Variants in PCDHA3 observed in about 807,000 individuals in gnomAD.
PCDHA3 encodes the protein protocadherin alpha-3.
Under a neutral mutation model 62.2 loss-of-function variants are expected in PCDHA3, and 41 were observed. That is an observed-to-expected ratio of 0.66 (90% CI 0.51 to 0.86). PCDHA3 has a LOEUF of 0.86. PCDHA3 is among the 40% of genes least tolerant of loss of function. PCDHA3 has a pLI of 0.00. For synonymous variants in PCDHA3, 640 were observed against 555.4 expected (o/e 1.15, Z -2.14); for missense variants, 1,304 against 1,241.2 (o/e 1.05, Z -0.76).
chr5:140,834,802 T>C, intron 1 of PCDHA3: 1 of 1,612,920 alleles, frequency 6.2e-7, no homozygotes, highest in Non-Finnish European at 8.5e-7. Context: ...CAAAGGAATC[T>C]GTTCATCGCG....
chr5:140,807,044 C>T, intron 1 of PCDHA3: 2 of 1,002,562 alleles, frequency 2.0e-6, no homozygotes, highest in Non-Finnish European at 2.9e-6. Flanking sequence ...GGGAAAATTC[C>T]TTCTATTCTT....
chr5:140,827,596 T>C (rs2150148363), intron 1 of PCDHA3, among the ~76,000 whole-genome samples: 13 of 152,200 alleles, frequency 8.5e-5, no homozygotes, highest in Non-Finnish European at 1.6e-4. Context: ...GAAAGACAGA[T>C]GTGGGCAAGT....
chr5:140,994,052 C>T (rs2097593082), intron 3 of PCDHA3, among the ~76,000 whole-genome samples: 1 of 152,134 alleles, frequency 6.6e-6, no homozygotes, highest in African/African-American at 2.4e-5. Context: ...CAGTCCTGCC[C>T]TTATAAATCT....
Position 140,927,948 on chromosome 5 carries a change from C to T in PCDHA3, c.2395-51001C>T, listed in dbSNP as rs1012110026. The T allele has an allele frequency of 4.3e-6, 7 of 1,614,072 alleles. No homozygotes were observed. In the African/African-American group the frequency reaches 5.3e-5, roughly 12 times the overall value. On this transcript the variant is annotated intron_variant, in intron 1 of 3. Transcript: ENST00000522353. The stretch of plus-strand genomic sequence containing the variant: ...CTCTTTCGAACCCAGTACCTGAGGA[C>T]GCTGCCCCTGGCACAGTGATTGCTC...
intron 1 of PCDHA3, chr5:140,804,381 G>A (rs1763384494): frequency 6.6e-6 from 1 of 151,794 alleles, no homozygotes; most frequent in Non-Finnish European, 1.5e-5. Context: ...ATATCAATAT[G>A]AAGTGAAAAT....
At chr5:140,919,518 T>C (rs1027780107) in intron 1 of PCDHA3, among the ~76,000 whole-genome samples, 1 of 152,194 alleles carries the variant, frequency 6.6e-6, no homozygotes. Context: ...TATGTTTTAA[T>C]TCTCTTTTTT....
chr5:140,818,604 T>G (rs2150101682), intron 1 of PCDHA3, among the ~76,000 whole-genome samples: 1 of 152,274 alleles, frequency 6.6e-6, no homozygotes, highest in African/African-American at 2.4e-5. Context: ...GTGTGGGCCA[T>G]GACAGGAGGA....
chr5:140,827,448 A>G (rs1554130791), intron 1 of PCDHA3, among the ~76,000 whole-genome samples: 1 of 152,248 alleles, frequency 6.6e-6, no homozygotes, highest in African/African-American at 2.4e-5. Flanking sequence ...ACACAGAAGA[A>G]CCTTAAGAGC....
chr5:140,958,677 G>C (rs917513084), intron 1 of PCDHA3, among the ~76,000 whole-genome samples: 3 of 152,090 alleles, frequency 2.0e-5, no homozygotes, highest in Non-Finnish European at 2.9e-5. Context: ...TAATTATAAA[G>C]GATATTGAAT....
At chr5:140,829,972 C>T (rs1344342673) in intron 1 of PCDHA3, 1 of 1,613,888 alleles carries the variant, frequency 6.2e-7, no homozygotes, top group African/African-American at 1.3e-5. Context: ...TGGGGCTGTA[C>T]ACGGGCGAGA....
rs147180015 is a variant in PCDHA3, at chr5:140,822,636, T to G, written c.2394+19045T>G. On this transcript the variant is annotated intron_variant, in intron 1 of 3. Transcript: ENST00000522353. ...TCTTTAGTAATCTTGTTCTTGACGATGTAAAGTCCAAATTTATAATTAATT... is the reference window on the plus strand; with the variant it reads ...TCTTTAGTAATCTTGTTCTTGACGAGGTAAAGTCCAAATTTATAATTAATT... 3.1e-6 allele frequency: 5 copies of G among 1,610,778 alleles called. No individual in the cohort carries two copies. Among genetic ancestry groups the G allele is most frequent in the Admixed American group, 1.7e-5 (1 of 59,828 alleles).
intron 1 of PCDHA3, chr5:140,829,132 C>G (rs138194639): frequency 1.2e-6 from 2 of 1,612,864 alleles, no homozygotes; most frequent in African/African-American, 2.7e-5. Context: ...ATGATAACGT[C>G]CCTGAGATAG....
intron 1 of PCDHA3, among the ~76,000 whole-genome samples, chr5:140,892,696 C>T (rs1005435710): frequency 4.6e-5 from 7 of 152,098 alleles, no homozygotes; most frequent in Admixed American, 6.6e-5. Context: ...ATAATAAAAT[C>T]AGGGTAATTA....
chr5:140,884,731 C>T (rs2060333216), intron 1 of PCDHA3: 2 of 1,449,296 alleles, frequency 1.4e-6, no homozygotes, highest in East Asian at 4.9e-5. Flanking sequence ...TTGTTTAAGA[C>T]ATCTTTCCTG....
intron 1 of PCDHA3, chr5:140,841,768 C>G: frequency 6.2e-7 from 1 of 1,613,936 alleles, no homozygotes; most frequent in South Asian, 1.1e-5. Flanking sequence ...GAATGCCAGA[C>G]TCTCGGTTTC....
rs2150437500 is a variant in PCDHA3, at chr5:140,849,439, C to A, written c.2394+45848C>A. ...CATATGGATTTTGAAGAAAGTAGAG[C>A]ACACAAGATCCCAGTCGAGGCTGTC... On this transcript the variant is annotated intron_variant, in intron 1 of 3. Transcript: ENST00000522353. 1.5e-5 allele frequency: 23 copies of A among 1,582,476 alleles called. 2 individuals carry two copies. In the African/African-American group the frequency reaches 2.8e-4, roughly 19 times the overall value.
At chr5:140,878,153 A>G (rs554763085) in intron 1 of PCDHA3, 21 of 178,230 alleles carry the variant, frequency 1.2e-4, no homozygotes, top group Non-Finnish European at 2.3e-4. Context: ...TGATAACTTA[A>G]AAATTTAATT....
Position 140,848,772 on chromosome 5 carries a change from G to A in PCDHA3, c.2394+45181G>A, listed in dbSNP as rs2150420106. ...GTTTGTGAATTCTCGGATCGACCGCGAGGAGCTGTGCGGGCGGAGCGCGGA... is the reference window on the plus strand; with the variant it reads ...GTTTGTGAATTCTCGGATCGACCGCAAGGAGCTGTGCGGGCGGAGCGCGGA... On this transcript the variant is annotated intron_variant, in intron 1 of 3. Coordinates refer to ENST00000522353, the MANE Select transcript of PCDHA3 (RefSeq NM_018906.3). 12 of 1,593,594 alleles carry A rather than the reference G, an allele frequency of 7.5e-6. 2 individuals carry two copies. Among genetic ancestry groups the A allele is most frequent in the Non-Finnish European group, 1.0e-5 (12 of 1,164,190 alleles).
At chr5:140,962,406 T>C (rs1272839882) in intron 1 of PCDHA3, among the ~76,000 whole-genome samples, 1 of 152,218 alleles carries the variant, frequency 6.6e-6, no homozygotes, top group African/African-American at 2.4e-5. Context: ...GCCCCAAACC[T>C]GTCTCTCCCT....
Sources: gnomAD v4.1 joint callset for allele counts (sites outside exome capture counted in the v4.1 genomes callset) on GRCh38, gnomAD v4.1.1 for gene constraint, MANE v1.5 for transcripts, NCBI Gene and HGNC (gene_info 2026-07-23, HGNC 2026-07-21) for gene names.